Variants in SCRIB observed in about 807,000 individuals in gnomAD.
The protein encoded by SCRIB is protein scribble homolog.
Under a neutral mutation model 170.0 loss-of-function variants are expected in SCRIB, and 72 were observed. The ratio of observed to expected loss-of-function variants is 0.42; its 90% confidence interval spans 0.35 to 0.52. The LOEUF (loss-of-function observed/expected upper bound fraction) is 0.52. SCRIB is among the 20% of genes least tolerant of loss of function. The pLI is 0.02. For missense variants in SCRIB, 2,475 were observed against 2,338.5 expected (o/e 1.06, Z -1.20); for synonymous variants, 1,298 against 1,044.3 (o/e 1.24, Z -4.68).
chr8:143,793,252 C>T (rs2129993006), intron 28 of SCRIB, 169 bp from the exon 29 acceptor site: 1 of 501,982 alleles, frequency 2.0e-6, no homozygotes, highest in African/African-American at 2.0e-5. Flanking sequence ...GGACAGAGCA[C>T]TCACGGAGTG....
chr8:143,811,359 G>A lies in SCRIB; in HGVS notation c.907-14C>T, dbSNP rs75701092. The A allele has an allele frequency of 4.7e-4, 757 of 1,608,026 alleles. 7 individuals are homozygous for A. In the East Asian group the frequency reaches 0.014, roughly 30 times the overall value. On this transcript the variant is annotated splice_polypyrimidine_tract_variant and intron_variant, in intron 9 of 36. Coordinates refer to ENST00000356994, the MANE Select transcript of SCRIB (RefSeq NM_182706.5). ...GCGGGGCAGGGCCTGGCCAAGAAGAGGAGGTCAGAGGACGCTAGGGGCTTG... is the reference window on the plus strand; with the variant it reads ...GCGGGGCAGGGCCTGGCCAAGAAGAAGAGGTCAGAGGACGCTAGGGGCTTG...
rs782600362 is a variant in SCRIB at position 143,792,311 on chromosome 8, T to C, written c.4423A>G (p.Ser1475Gly). The C allele has an allele frequency of 1.6e-5, 25 of 1,554,786 alleles. No homozygotes were observed. Among genetic ancestry groups the C allele is most frequent in the Non-Finnish European group, 2.1e-5 (24 of 1,157,500 alleles). ...CGCTCGGGTGCCGGTGGCTCCGGAC[T>C]CTGCACGCGCAGCCGCTCCTGGTGG... is the stretch of plus-strand genomic sequence containing the variant. ...RRHQERLRVQ[S>G]PEPPAPERAL... Residue 1475 changes from serine (S) to glycine (G), a missense_variant, in exon 32 of 37, where the codon AGT (serine) becomes GGT (glycine). Ser to Gly is a moderately conservative substitution (Grantham distance 56, BLOSUM62 0). Around this residue, in one of 3 missense-constraint regions of SCRIB, gnomAD observed 1,966 missense variants for 1,742.9 expected, o/e 1.13. Transcript: ENST00000356994.
At position 143,805,379 on chromosome 8, in the gene SCRIB, C is replaced by T. The variant is rs1554636307; in HGVS notation, c.2403G>A (p.Arg801=). The change falls in exon 19 of 37, where the codon CGG becomes CGA. Residue 801 remains arginine (R), a synonymous_variant. Coordinates refer to ENST00000356994, the MANE Select transcript of SCRIB (RefSeq NM_182706.5). ...GCATCTGCACGGCAGTGCCGGCCCC[C>T]CGGAGCGCCTCCACGGCCTCGTGGT... ...AEHHEAVEAL[R]GAGTAVQMRV... 6.5e-7 allele frequency: 1 copy of T among 1,548,014 alleles called. No individual in the cohort carries two copies. The highest frequency in any genetic ancestry group is 1.2e-5 in the South Asian group (1 of 85,128).
intron 24 of SCRIB, among the ~76,000 whole-genome samples, chr8:143,800,318 CT>C (rs1190983228): frequency 4.6e-5 from 7 of 152,324 alleles, no homozygotes; most frequent in East Asian, 3.9e-4. Context: ...ACAGCCCCCC[CT>C]CCATTTAAAA....
At position 143,804,727 on chromosome 8, in the gene SCRIB, A is replaced by G; in HGVS notation, c.2850T>C (p.Ala950=). 6.3e-7 allele frequency: 1 copy of G among 1,591,506 alleles called. No homozygotes were observed. Among genetic ancestry groups the G allele is most frequent in the Non-Finnish European group, 8.6e-7 (1 of 1,169,208 alleles). ...PTIALLLERE[A]GGPLPPSPLP... ...GAGGGCTGGGAGGAAGAGGGCCCCC[A>G]GCCTCCCGCTCCAACAGCAGGGCGA... Residue 950 remains alanine, a synonymous_variant, in exon 21 of 37, where the codon GCT becomes GCC. Coordinates refer to ENST00000356994, the MANE Select transcript of SCRIB (RefSeq NM_182706.5).
chr8:143,811,309 T>C lies in SCRIB; in HGVS notation c.943A>G (p.Thr315Ala). 2 of 1,612,716 alleles carry C rather than the reference T, an allele frequency of 1.2e-6. No individual in the cohort carries two copies. Among genetic ancestry groups the C allele is most frequent in the Non-Finnish European group, 1.7e-6 (2 of 1,179,820 alleles). The change falls in exon 10 of 37, where the codon ACC (threonine) becomes GCC (alanine). Residue 315 changes from threonine (T) to alanine (A), a missense_variant. Thr to Ala is a moderately conservative substitution (Grantham distance 58, BLOSUM62 0). Coordinates refer to ENST00000356994, the MANE Select transcript of SCRIB (RefSeq NM_182706.5). ...TGGTTCCGGTCCACGTTGAGGTTGG[T>C]CAGCTTAGTCAGCTTTCCCAGGGAG... The part of the protein sequence containing the change: ...PRSLGKLTKL[T>A]NLNVDRNHLE...
In SCRIB at chr8:143,805,014, C is replaced by T. The variant is rs782724079; in HGVS notation, c.2671G>A (p.Gly891Ser). ...TCGGCAATGCGGGAGACGAAGATGC[C>T]CTGCAGGGGAGGGTGGAGGAGGCAG... is the stretch of plus-strand genomic sequence containing the variant. ...GSTPYRAGDA[G>S]IFVSRIAEGG... Residue 891 changes from glycine (G) to serine (S), a missense_variant and splice_region_variant, in exon 20 of 37, where the codon GGC becomes AGC. Gly to Ser is a moderately conservative substitution (Grantham distance 56). Around this residue, in one of 3 missense-constraint regions of SCRIB, gnomAD observed 1,966 missense variants for 1,742.9 expected, o/e 1.13. Transcript: ENST00000356994. The T allele has an allele frequency of 1.3e-6, 2 of 1,587,116 alleles. No homozygotes were observed. The highest frequency in any genetic ancestry group is 1.1e-5 in the South Asian group (1 of 87,624).
chr8:143,813,772 G>C (rs781615404), intron 3 of SCRIB, 46 bp from the exon 4 acceptor site: 1 of 1,607,468 alleles, frequency 6.2e-7, no homozygotes, highest in Admixed American at 1.7e-5. Flanking sequence ...GTCCAGGGCT[G>C]TGGGACCCAT....
At chr8:143,813,447 A>G (rs1563808665) in intron 5 of SCRIB, 23 bp downstream of exon 5, 3 of 1,613,154 alleles carry the variant, frequency 1.9e-6, no homozygotes, top group African/African-American at 1.3e-5. Flanking sequence ...CCTGGCTGTT[A>G]GGAGAATGCC....
In SCRIB at chr8:143,810,781, A is replaced by C; in HGVS notation, c.1309T>G (p.Trp437Gly). 6.2e-7 allele frequency: 1 copy of C among 1,604,304 alleles called. No individual in the cohort carries two copies. The highest frequency in any genetic ancestry group is 8.5e-7 in the Non-Finnish European group (1 of 1,177,680). ...ACGCGGCTCGGCGGGGCATCGCTCCAGGTCTCCGAGAGGCTCCCCTGCTGC... is the reference window on the plus strand; with the variant it reads ...ACGCGGCTCGGCGGGGCATCGCTCCCGGTCTCCGAGAGGCTCCCCTGCTGC... ...AGQQGSLSET[W>G]SDAPPSRVSV... The change falls in exon 12 of 37, where the codon TGG becomes GGG. Residue 437 changes from tryptophan to glycine, a missense_variant. This residue lies in a region of SCRIB where 1,966 missense variants were observed against 1,742.9 expected (regional missense o/e 1.13). Coordinates refer to ENST00000356994, the MANE Select transcript of SCRIB (RefSeq NM_182706.5).
intron 9 of SCRIB, 143 bp from the exon 10 acceptor site, chr8:143,811,488 C>G: frequency 1.4e-6 from 1 of 707,008 alleles, no homozygotes; most frequent in Non-Finnish European, 2.4e-6. Flanking sequence ...GGACAAGGAC[C>G]TGACCACAGA....
intron 15 of SCRIB, among the ~76,000 whole-genome samples, 186 bp downstream of exon 15, chr8:143,808,423 T>TGGGGTCCAAGCATGGACTGAGACCAAC (rs1563802215): frequency 8.8e-5 from 11 of 125,138 alleles, no homozygotes; most frequent in African/African-American, 2.1e-4. Context: ...CTGAGACCAA[T>TGGGGTCCAAGCATGGACTGAGACCAAC]GCCAGGGCAG....
chr8:143,795,005 G>A (rs373114593), intron 27 of SCRIB, 33 bp downstream of exon 27: 200 of 1,594,512 alleles, frequency 1.3e-4, no homozygotes, highest in Middle Eastern at 2.1e-4. Flanking sequence ...ACAACAGGAC[G>A]GAGGTGGGGG....
intron 24 of SCRIB, 124 bp downstream of exon 24, chr8:143,803,259 C>T (rs553533625): frequency 2.4e-5 from 22 of 927,338 alleles, no homozygotes; most frequent in Admixed American, 9.0e-5. Flanking sequence ...GATGCAGAGC[C>T]GCAGAGCACC....
At position 143,815,659 on chromosome 8, in the gene SCRIB, A is replaced by AGCTCGTCCCGCCC. The variant is rs1057242126; in HGVS notation, c.-300_-288dup. The AGCTCGTCCCGCCC allele has an allele frequency of 2.0e-6, 2 of 983,044 alleles. No homozygotes were observed. The highest frequency in any genetic ancestry group is 1.2e-6 in the Non-Finnish European group (1 of 828,900). The allele number at this position is 983,044 out of a possible 1,614,324, so 60.9% of individuals were successfully genotyped here. A position where few individuals can be genotyped will look rare whatever the true frequency, so the allele number is the denominator to read the frequency against. ...CTCCGCATCCCGCTTGGTCCTGCTCAGCTCGTCCCGCCCGCTCGTCCGCCC... is the reference window on the plus strand; with the variant it reads ...CTCCGCATCCCGCTTGGTCCTGCTCAGCTCGTCCCGCCCGCTCGTCCCGCCCGCTCGTCCGCCC... On this transcript the variant is annotated 5_prime_UTR_variant, in exon 1 of 37. Coordinates refer to ENST00000356994, the MANE Select transcript of SCRIB (RefSeq NM_182706.5).
intron 24 of SCRIB, among the ~76,000 whole-genome samples, chr8:143,802,991 G>A (rs1421664476): frequency 6.6e-6 from 1 of 152,232 alleles, no homozygotes; most frequent in Admixed American, 6.5e-5. Flanking sequence ...AGCATCCCAA[G>A]GCGTCTGCCT....
At chr8:143,793,193 C>T in intron 28 of SCRIB, 110 bp from the exon 29 acceptor site, 1 of 595,040 alleles carries the variant, frequency 1.7e-6, no homozygotes, top group Non-Finnish European at 2.7e-6. Context: ...GCCTTTGATC[C>T]CCACCCACCA....
At chr8:143,813,444 G>C (rs769216917) in intron 5 of SCRIB, 26 bp downstream of exon 5, 1 of 1,613,068 alleles carries the variant, frequency 6.2e-7, no homozygotes, top group African/African-American at 1.3e-5. Flanking sequence ...TGCCCTGGCT[G>C]TTAGGAGAAT....
intron 24 of SCRIB, among the ~76,000 whole-genome samples, chr8:143,799,017 GA>G (rs1815062038): frequency 6.6e-6 from 1 of 152,194 alleles, no homozygotes; most frequent in African/African-American, 2.4e-5. Context: ...AACCCATCAG[GA>G]AAATAAAGAC....
Sources: allele counts gnomAD v4.1 joint callset (sites outside exome capture counted in the v4.1 genomes callset), GRCh38; gene constraint gnomAD v4.1.1; regional missense constraint gnomAD v4.1.1; transcripts MANE v1.5; gene names NCBI Gene and HGNC (gene_info 2026-07-23, HGNC 2026-07-21).